EXOC6B: variants seen among roughly 807,000 people sequenced by gnomAD.
EXOC6B encodes the protein SEC15 homolog B.
A neutral mutation model predicts 113.5 loss-of-function variants in EXOC6B; 54 were observed. The ratio of observed to expected loss-of-function variants is 0.48; its 90% CI spans 0.38 to 0.60. The LOEUF is 0.60. Ranked by LOEUF, EXOC6B falls within the 20% of genes least tolerant of loss-of-function variation. The pLI is 0.00. For synonymous variants in EXOC6B, 357 were observed against 339.0 expected (o/e 1.05, Z -0.58); for missense variants, 797 against 977.5 (o/e 0.82, Z 2.46).
At chr2:72,715,263 C>T (rs941813152) in intron 6 of EXOC6B, among the ~76,000 whole-genome samples, 2 of 151,668 alleles carry the variant, frequency 1.3e-5, no homozygotes, top group African/African-American at 2.4e-5. Context: ...AACCTTAAAC[C>T]AACCCTCAGG....
Position 72,276,497 on chromosome 2 carries a change from G to C in EXOC6B, c.2196+58450C>G, listed in dbSNP as rs138435347. On this transcript the variant is annotated intron_variant, in intron 20 of 21. Transcript: ENST00000272427. ...GATGTGATTTTTTTACATGTATCGT[G>C]TGCCAGAATGACAAGTTTTGTAAAA... Among the ~76,000 whole-genome samples the C allele has an allele frequency of 8.1e-4, 124 of 152,174 alleles. 3 individuals are homozygous for C. The East Asian group carries it at 0.022, about 27-fold the overall frequency.
chr2:72,560,639 C>T (rs1190628051), intron 7 of EXOC6B, among the ~76,000 whole-genome samples: 1 of 152,040 alleles, frequency 6.6e-6, no homozygotes, highest in Non-Finnish European at 1.5e-5. Context: ...GGAACCATCA[C>T]ACCTTTATAT....
chr2:72,362,690 T>G (rs1690392769), intron 19 of EXOC6B, among the ~76,000 whole-genome samples: 1 of 152,126 alleles, frequency 6.6e-6, no homozygotes, highest in Non-Finnish European at 1.5e-5. Flanking sequence ...TACCATAGAT[T>G]ACTGCAATAG....
intron 20 of EXOC6B, among the ~76,000 whole-genome samples, chr2:72,242,018 C>T (rs980456949): frequency 1.3e-5 from 2 of 152,154 alleles, no homozygotes; most frequent in African/African-American, 4.8e-5. Context: ...GCCTGGGCAA[C>T]ATACCAAGAC....
At chr2:72,651,083 G>A (rs116688758) in intron 6 of EXOC6B, among the ~76,000 whole-genome samples, 2,417 of 152,182 alleles carry the variant, frequency 0.016, 88 homozygotes, top group African/African-American at 0.056. Flanking sequence ...CAGCAATAAA[G>A]ACAGCCTAAT....
intron 6 of EXOC6B, among the ~76,000 whole-genome samples, chr2:72,706,368 T>G (rs1048414173): frequency 5.9e-5 from 9 of 152,112 alleles, no homozygotes; most frequent in African/African-American, 2.2e-4. Context: ...GGTTGAAAGG[T>G]TAACTTGCCT....
At chr2:72,339,109 A>C (rs907031452) in intron 19 of EXOC6B, among the ~76,000 whole-genome samples, 4 of 152,104 alleles carry the variant, frequency 2.6e-5, no homozygotes, top group African/African-American at 9.7e-5. Context: ...GCTGCTTGAT[A>C]GAAAGAAAAG....
chr2:72,551,581 T>A (rs1046620024), intron 8 of EXOC6B, among the ~76,000 whole-genome samples: 2 of 150,932 alleles, frequency 1.3e-5, no homozygotes, highest in African/African-American at 4.9e-5. Context: ...CTCGGCTCAC[T>A]GCAAGCTCCG....
chr2:72,702,979 A>C (rs1158768224), intron 6 of EXOC6B, among the ~76,000 whole-genome samples: 8 of 151,640 alleles, frequency 5.3e-5, no homozygotes, highest in Non-Finnish European at 8.8e-5. Flanking sequence ...TTGGTGTTTT[A>C]GACATGAAGT....
intron 20 of EXOC6B, among the ~76,000 whole-genome samples, chr2:72,281,601 T>C (rs1685137486): frequency 6.6e-6 from 1 of 152,200 alleles, no homozygotes; most frequent in African/African-American, 2.4e-5. Context: ...AAGCAAAATC[T>C]AGACTGAAGC....
chr2:72,690,299 G>T (rs927158294), intron 6 of EXOC6B, among the ~76,000 whole-genome samples: 4 of 152,134 alleles, frequency 2.6e-5, no homozygotes, highest in Non-Finnish European at 5.9e-5. Context: ...ATATCCCCAT[G>T]TCCCTATACA....
intron 6 of EXOC6B, among the ~76,000 whole-genome samples, chr2:72,696,442 G>A (rs1452712402): frequency 6.6e-6 from 1 of 152,136 alleles, no homozygotes; most frequent in Non-Finnish European, 1.5e-5. Flanking sequence ...ATCTCTCCCT[G>A]TGCCCATGTG....
chr2:72,757,509 C>T (rs1682493679), intron 1 of EXOC6B, among the ~76,000 whole-genome samples: 1 of 152,130 alleles, frequency 6.6e-6, no homozygotes, highest in South Asian at 2.1e-4. Context: ...AGTGCCAACC[C>T]CTGCAATGTG....
rs1156620846 is a variant in EXOC6B, at chr2:72,825,789, C to T, written c.113+9G>A. ...TCCCGCCCCTCTGTGGTCCCGGCAC[C>T]CGGGGTACCTGAGCGTGGGCCCGAT... On this transcript the variant is annotated intron_variant, in intron 1 of 21. Coordinates refer to ENST00000272427, the MANE Select transcript of EXOC6B (RefSeq NM_015189.3). This position sits in a 1 kb window ranked among gnomAD's most constrained non-coding sequence, Gnocchi z 4.4. 2 of 1,611,288 alleles carry T rather than the reference C, an allele frequency of 1.2e-6. No homozygotes were observed. Among genetic ancestry groups the T allele is most frequent in the Non-Finnish European group, 1.7e-6 (2 of 1,179,022 alleles).
At chr2:72,577,128 T>C (rs1206631919) in intron 6 of EXOC6B, among the ~76,000 whole-genome samples, 1 of 152,076 alleles carries the variant, frequency 6.6e-6, no homozygotes, top group African/African-American at 2.4e-5. Flanking sequence ...TCAATGGACA[T>C]ACTTGTTTCT....
chr2:72,825,702 G>A lies in EXOC6B; in HGVS notation c.113+96C>T. 1.5e-6 allele frequency: 2 copies of A among 1,358,632 alleles called. No homozygotes were observed. The highest frequency in any genetic ancestry group is 1.9e-6 in the Non-Finnish European group (2 of 1,039,988). 84.2% of individuals were successfully genotyped at this position (1,358,632 alleles called of 1,614,324 possible). A position where few individuals can be genotyped will look rare whatever the true frequency, so the allele number is the denominator to read the frequency against. On this transcript the variant is annotated intron_variant, in intron 1 of 21. Coordinates refer to ENST00000272427, the MANE Select transcript of EXOC6B (RefSeq NM_015189.3). The surrounding 1 kb of genome is among the most constrained non-coding windows in gnomAD (Gnocchi z 4.4). ...GGTCTCTCCGAAGGGAGGGGCCGGC[G>A]CCGGACCTGGGGACAGCCGGCCGGA...
chr2:72,195,338 A>C (rs374372264), intron 20 of EXOC6B, among the ~76,000 whole-genome samples: 1 of 152,154 alleles, frequency 6.6e-6, no homozygotes, highest in East Asian at 1.9e-4. Context: ...CTATTATCAC[A>C]CTGGCTGATA....
chr2:72,757,845 C>G (rs1463005184), intron 1 of EXOC6B, among the ~76,000 whole-genome samples: 1 of 152,038 alleles, frequency 6.6e-6, no homozygotes, highest in East Asian at 1.9e-4. Flanking sequence ...TGTAATTAAT[C>G]ATGATATCAA....
chr2:72,459,863 T>A (rs1697509796), intron 18 of EXOC6B, among the ~76,000 whole-genome samples: 1 of 152,080 alleles, frequency 6.6e-6, no homozygotes, highest in Admixed American at 6.6e-5. Flanking sequence ...TACTGTAAAG[T>A]TCATATGGAA....
Sources: allele counts gnomAD v4.1 joint callset (sites outside exome capture counted in the v4.1 genomes callset), GRCh38; gene constraint gnomAD v4.1.1; non-coding constraint Gnocchi (gnomAD v3.1); transcripts MANE v1.5; gene names NCBI Gene and HGNC (gene_info 2026-07-23, HGNC 2026-07-21).